NSD3: variants seen among roughly 807,000 people sequenced by gnomAD.
NSD3 encodes histone-lysine N-methyltransferase NSD3.
NSD3 carries 24 observed loss-of-function variants against 160.8 expected under a neutral mutation model. That is an observed-to-expected ratio of 0.15 (90% confidence interval 0.11 to 0.21). The LOEUF (loss-of-function observed/expected upper bound fraction) is 0.21, where lower values mean the gene tolerates loss of function less well. NSD3 is among the 10% of genes least tolerant of loss of function. NSD3 has a pLI of 1.00. For synonymous variants in NSD3, 520 were observed against 600.0 expected (o/e 0.87, Z 1.95); for missense variants, 1,157 against 1,735.9 (o/e 0.67, Z 5.93).
chr8:38,336,223 T>A (rs915621496), intron 4 of NSD3: 1 of 152,220 alleles, frequency 6.6e-6, no homozygotes, highest in African/African-American at 2.4e-5. Flanking sequence ...ACTCTACACA[T>A]GACAAGAGTC....
In NSD3 at chr8:38,272,063, A is replaced by C. The variant is rs1808495206; in HGVS notation, c.*3578T>G. The C allele has an allele frequency of 6.6e-6, 1 of 152,238 alleles. No homozygotes were observed. Among genetic ancestry groups the C allele is most frequent in the South Asian group, 2.1e-4 (1 of 4,834 alleles). The allele number at this position is 152,238 out of a possible 1,614,324, so 9.4% of individuals were successfully genotyped here. On this transcript the variant is annotated 3_prime_UTR_variant, in exon 24 of 24. Transcript: ENST00000317025. ...GGAAATTCCACTTCATGAACCAGGAAAGTTGTCCAATAGCCTGTCCCATCT... is the reference window on the plus strand; with the variant it reads ...GGAAATTCCACTTCATGAACCAGGACAGTTGTCCAATAGCCTGTCCCATCT...
At chr8:38,327,336 G>C (rs145019805) in intron 6 of NSD3, among the ~76,000 whole-genome samples, 1 of 151,822 alleles carries the variant, frequency 6.6e-6, no homozygotes, top group Non-Finnish European at 1.5e-5. Context: ...GATTACAGGC[G>C]TTAGCCACCG....
chr8:38,295,692 T>C, intron 16 of NSD3, 104 bp downstream of exon 16: 1 of 1,054,928 alleles, frequency 9.5e-7, no homozygotes, highest in South Asian at 1.8e-5. Flanking sequence ...AGGAAGTAGG[T>C]CCATGCTGTC....
rs539309931 is a variant in NSD3, at chr8:38,306,598, A to G, written c.2243-1153T>C. On this transcript the variant is annotated intron_variant, in intron 12 of 23. Transcript: ENST00000317025. ...AAAGATTATGTTTTGTTGTATAAACAGTTTACATATGGAGAAAACGCACAC... is the reference window on the plus strand; with the variant it reads ...AAAGATTATGTTTTGTTGTATAAACGGTTTACATATGGAGAAAACGCACAC... 1.8e-4 allele frequency among the ~76,000 whole-genome samples: 28 copies of G among 152,334 alleles called. No homozygotes were observed. The South Asian group carries it at 3.9e-3, about 21-fold the overall frequency.
chr8:38,302,414 A>C (rs1809298550), intron 14 of NSD3, among the ~76,000 whole-genome samples: 1 of 152,260 alleles, frequency 6.6e-6, no homozygotes, highest in African/African-American at 2.4e-5. Flanking sequence ...AAATGCTAGA[A>C]AATAAAATGA....
At chr8:38,313,631 A>G (rs1809586102) in intron 12 of NSD3, among the ~76,000 whole-genome samples, 1 of 152,038 alleles carries the variant, frequency 6.6e-6, no homozygotes, top group African/African-American at 2.4e-5. Context: ...TACTAAAAAT[A>G]CAAAAAATTA....
intron 4 of NSD3, among the ~76,000 whole-genome samples, chr8:38,333,041 G>GT (rs1252226079): frequency 6.6e-6 from 1 of 151,944 alleles, no homozygotes; most frequent in Non-Finnish European, 1.5e-5. Context: ...AATCCAAAGG[G>GT]TTTTTGGGGG....
At chr8:38,303,340 T>A in intron 14 of NSD3, 1 of 985,400 alleles carries the variant, frequency 1.0e-6, no homozygotes, top group Non-Finnish European at 1.2e-6. Flanking sequence ...CAGGAAACAT[T>A]TCAGACCTAC....
At chr8:38,340,972 G>C (rs1331675188) in intron 2 of NSD3, among the ~76,000 whole-genome samples, 1 of 151,542 alleles carries the variant, frequency 6.6e-6, no homozygotes, top group Non-Finnish European at 1.5e-5. Flanking sequence ...AGACCAGCCT[G>C]GGCAACAGAG....
Position 38,276,656 on chromosome 8 carries a change from A to G in NSD3, c.3868-156T>C, listed in dbSNP as rs1282660940. ...CTTATGCTGCAACAAATACTATAAC[A>G]AAAATAAAGTTTTGTTTTCACTGAC... On this transcript the variant is annotated intron_variant, in intron 22 of 23. Coordinates refer to ENST00000317025, the MANE Select transcript of NSD3 (RefSeq NM_023034.2). 3.0e-5 allele frequency: 22 copies of G among 735,834 alleles called. No homozygotes were observed. The East Asian group carries it at 6.0e-4, about 20-fold the overall frequency. The allele number at this position is 735,834 out of a possible 1,614,324, so 45.6% of individuals were successfully genotyped here. A position where few individuals can be genotyped will look rare whatever the true frequency, so the allele number is the denominator to read the frequency against.
intron 15 of NSD3, among the ~76,000 whole-genome samples, chr8:38,298,041 TA>T (rs917763363): frequency 8.6e-5 from 13 of 150,454 alleles, no homozygotes; most frequent in Admixed American, 2.6e-4. Context: ...ACAAGGGAAA[TA>T]AAAAAAAATG....
rs1363363617 is a variant in NSD3 at position 38,317,871 on chromosome 8, G to T, written c.1855+1024C>A. Reference sequence around the variant, plus strand: ...TGGCGAAATCAAAATCGAAAACAAAGAAACTGTTTATCAAGCCGCCGACAA... The same window carrying T: ...TGGCGAAATCAAAATCGAAAACAAATAAACTGTTTATCAAGCCGCCGACAA... On this transcript the variant is annotated intron_variant, in intron 9 of 23. Coordinates refer to ENST00000317025, the MANE Select transcript of NSD3 (RefSeq NM_023034.2). The surrounding 1 kb of genome is among the most constrained non-coding windows in gnomAD (Gnocchi z 5.3). 9 of 1,584,292 alleles carry T rather than the reference G, an allele frequency of 5.7e-6. No homozygotes were observed. Among genetic ancestry groups the T allele is most frequent in the Non-Finnish European group, 6.9e-6 (8 of 1,165,796 alleles).
At chr8:38,313,774 C>T (rs111260066) in intron 12 of NSD3, among the ~76,000 whole-genome samples, 8,872 of 139,938 alleles carry the variant, frequency 0.063, 543 homozygotes, top group African/African-American at 0.17. Flanking sequence ...GGCGACAGAG[C>T]GAGACTCTGT....
chr8:38,381,746 G>GCGCACACA (rs1429147201), intron 1 of NSD3, 53 bp downstream of exon 1: 1 of 144,698 alleles, frequency 6.9e-6, no homozygotes, highest in African/African-American at 2.6e-5. Flanking sequence ...GCGCGCGCGC[G>GCGCACACA]CACACACACA....
At chr8:38,280,495 C>T (rs1008101253) in intron 20 of NSD3, among the ~76,000 whole-genome samples, 7 of 152,156 alleles carry the variant, frequency 4.6e-5, no homozygotes, top group African/African-American at 1.7e-4. Context: ...TAATGATATT[C>T]TGAATCTCAG....
intron 1 of NSD3, among the ~76,000 whole-genome samples, chr8:38,377,831 A>G (rs1293068631): frequency 2.6e-4 from 39 of 151,852 alleles, no homozygotes; most frequent in Non-Finnish European, 1.5e-5. Flanking sequence ...TACTCGGGAG[A>G]CTGAGGCAGA....
At chr8:38,287,212 G>T (rs1585856156) in intron 19 of NSD3, among the ~76,000 whole-genome samples, 2 of 152,094 alleles carry the variant, frequency 1.3e-5, no homozygotes, top group Admixed American at 1.3e-4. Context: ...AAATATTTAT[G>T]TATCTATTTA....
At chr8:38,340,110 A>T (rs1409569154) in intron 2 of NSD3, among the ~76,000 whole-genome samples, 2 of 152,240 alleles carry the variant, frequency 1.3e-5, no homozygotes, top group East Asian at 3.9e-4. Context: ...AAAAAAACCA[A>T]ATTACTTCTA....
rs1809653312 is a variant in NSD3 at position 38,315,948 on chromosome 8, T to C, written c.1950A>G (p.Thr650=). Residue 650 remains threonine (T), a synonymous_variant, in exon 10 of 24, where the codon ACA becomes ACG. Transcript: ENST00000317025. ...VEMTSSAYRD[T]SDSDSRGLSD... ...TCAGTCCTCTAGAATCGGAGTCAGA[T>C]GTGTCTCTGTATGCTGAACTAGTCA... The C allele has an allele frequency of 1.2e-6, 2 of 1,613,868 alleles. No individual in the cohort carries two copies. Among genetic ancestry groups the C allele is most frequent in the South Asian group, 1.1e-5 (1 of 91,066 alleles).
Sources: gnomAD v4.1 joint callset for allele counts (sites outside exome capture counted in the v4.1 genomes callset) on GRCh38, gnomAD v4.1.1 for gene constraint, Gnocchi (gnomAD v3.1) non-coding constraint, MANE v1.5 for transcripts, NCBI Gene and HGNC (gene_info 2026-07-23, HGNC 2026-07-21) for gene names.